The following STK32C variants were observed in gnomAD, a reference collection of about 807,000 sequenced individuals.
The protein encoded by STK32C is serine/threonine kinase 32C.
In STK32C, 31 loss-of-function variants were observed where a neutral mutation model predicts 56.5. The observed-to-expected ratio is 0.55, with a 90% CI of 0.41 to 0.74. The LOEUF (loss-of-function observed/expected upper bound fraction) is 0.74. Ranked by LOEUF, STK32C falls within the 30% of genes least tolerant of loss-of-function variation. STK32C has a pLI of 0.00. For missense variants in STK32C, 544 were observed against 676.9 expected (o/e 0.80, Z 2.18); for synonymous variants, 309 against 289.4 (o/e 1.07, Z -0.69).
intron 1 of STK32C, among the ~76,000 whole-genome samples, chr10:132,284,159 C>T (rs1394649740): frequency 2.6e-5 from 4 of 151,820 alleles, no homozygotes; most frequent in Non-Finnish European, 5.9e-5. Flanking sequence ...ACGCCGACCA[C>T]AAGCCCCGCA....
intron 1 of STK32C, among the ~76,000 whole-genome samples, chr10:132,248,653 G>A (rs1020730829): frequency 3.9e-5 from 6 of 152,352 alleles, no homozygotes; most frequent in East Asian, 1.9e-4. Flanking sequence ...CCACGCCCAC[G>A]TGCATGCCTA....
chr10:132,261,052 C>T (rs1468566908), intron 1 of STK32C, among the ~76,000 whole-genome samples: 4 of 152,162 alleles, frequency 2.6e-5, no homozygotes, highest in Non-Finnish European at 5.9e-5. Context: ...TCAGGGACTA[C>T]GAGCTTAGGC....
intron 2 of STK32C, among the ~76,000 whole-genome samples, chr10:132,241,927 C>T (rs966450012): frequency 6.6e-6 from 1 of 152,016 alleles, no homozygotes; most frequent in African/African-American, 2.4e-5. Context: ...GAGAACATAG[C>T]GAAACCCTGT....
chr10:132,293,713 G>A (rs543621016), intron 1 of STK32C, among the ~76,000 whole-genome samples: 10 of 152,272 alleles, frequency 6.6e-5, no homozygotes, highest in African/African-American at 1.9e-4. Context: ...AGCCAGGCAC[G>A]TGGTGAGCCT....
rs78705695 is a variant in STK32C at position 132,212,705 on chromosome 10, G to A, written c.1252-3604C>T. ...TTCAGGAAATAAAAGACATGACTCC[G>A]ACGAAGAAACACAGAGACGAGCAAG... is the stretch of plus-strand genomic sequence containing the variant. On this transcript the variant is annotated intron_variant, in intron 10 of 11. Transcript: ENST00000298630. Among the ~76,000 whole-genome samples the A allele has an allele frequency of 0.031, 4,649 of 152,296 alleles. 409 individuals are homozygous for A. The East Asian group carries it at 0.35, about 11-fold the overall frequency.
intron 1 of STK32C, among the ~76,000 whole-genome samples, chr10:132,271,917 T>G (rs1250686932): frequency 6.6e-6 from 1 of 152,226 alleles, no homozygotes; most frequent in East Asian, 1.9e-4. Flanking sequence ...ACACCACTGC[T>G]CAGTGCCCGG....
chr10:132,325,851 A>G (rs2138481432), intron 1 of STK32C, among the ~76,000 whole-genome samples: 1 of 151,396 alleles, frequency 6.6e-6, no homozygotes, highest in South Asian at 2.1e-4. Flanking sequence ...CCTCCAGAGT[A>G]GCTGGGACTA....
intron 2 of STK32C, among the ~76,000 whole-genome samples, chr10:132,244,997 C>T (rs566766610): frequency 5.3e-5 from 8 of 152,308 alleles, no homozygotes; most frequent in Admixed American, 3.3e-4. Flanking sequence ...CAATGCACTG[C>T]GCAAAGGGGC....
chr10:132,328,817 C>T (rs7922627), intron 1 of STK32C, among the ~76,000 whole-genome samples: 56,364 of 152,098 alleles, frequency 0.37, 10,635 homozygotes, highest in Middle Eastern at 0.4. Flanking sequence ...GAGATGGAGA[C>T]GAGGACAGCC....
At chr10:132,283,063 G>A (rs1274185992) in intron 1 of STK32C, among the ~76,000 whole-genome samples, 2 of 152,228 alleles carry the variant, frequency 1.3e-5, no homozygotes, top group African/African-American at 2.4e-5. Flanking sequence ...CAGCCAACCC[G>A]GGGGCAGCAG....
At chr10:132,278,654 A>G (rs961926854) in intron 1 of STK32C, among the ~76,000 whole-genome samples, 1 of 151,018 alleles carries the variant, frequency 6.6e-6, no homozygotes, top group Non-Finnish European at 1.5e-5. Context: ...CCAGCTGCTC[A>G]GGAGGCTGGG....
chr10:132,213,417 T>A (rs2062376321), intron 10 of STK32C, among the ~76,000 whole-genome samples: 1 of 152,174 alleles, frequency 6.6e-6, no homozygotes, highest in South Asian at 2.1e-4. Context: ...AGACTCTCTC[T>A]GAGGAGGAGG....
intron 10 of STK32C, among the ~76,000 whole-genome samples, chr10:132,220,359 G>A (rs2062598484): frequency 6.6e-6 from 1 of 152,232 alleles, no homozygotes; most frequent in South Asian, 2.1e-4. Flanking sequence ...AGGGGGCACG[G>A]CTTTGCTGAC....
intron 1 of STK32C, among the ~76,000 whole-genome samples, chr10:132,271,534 T>C (rs2064824217): frequency 6.6e-6 from 1 of 152,172 alleles, no homozygotes; most frequent in Non-Finnish European, 1.5e-5. Flanking sequence ...CCGTCCATTG[T>C]GGCCAAATCT....
At chr10:132,262,102 A>G (rs1005985809) in intron 1 of STK32C, among the ~76,000 whole-genome samples, 4 of 152,190 alleles carry the variant, frequency 2.6e-5, no homozygotes, top group African/African-American at 9.7e-5. Context: ...AGACACATAG[A>G]CCAATGGAGC....
chr10:132,312,091 C>T (rs188636869), upstream of STK32C, among the ~76,000 whole-genome samples: 3 of 152,274 alleles, frequency 2.0e-5, no homozygotes, highest in Non-Finnish European at 2.9e-5. Context: ...ACTGCAGCCT[C>T]GACCTCCCAG....
chr10:132,217,063 T>C (rs1174152793), intron 10 of STK32C, among the ~76,000 whole-genome samples: 2 of 152,198 alleles, frequency 1.3e-5, no homozygotes, highest in East Asian at 3.8e-4. Flanking sequence ...CAGAATGGTA[T>C]ATCCACCAAC....
At chr10:132,313,640 C>T (rs539589511) in intron 1 of STK32C, among the ~76,000 whole-genome samples, 1 of 152,358 alleles carries the variant, frequency 6.6e-6, no homozygotes, top group East Asian at 1.9e-4. Context: ...GATGGGCAGA[C>T]GTCAGCCAAA....
At chr10:132,217,564 T>TA (rs2062510651) in intron 10 of STK32C, among the ~76,000 whole-genome samples, 1 of 152,118 alleles carries the variant, frequency 6.6e-6, no homozygotes, top group African/African-American at 2.4e-5. Context: ...GGCAGAATGA[T>TA]ATGGTTTGGC....
Sources: gnomAD v4.1 joint callset for allele counts (sites outside exome capture counted in the v4.1 genomes callset) on GRCh38, gnomAD v4.1.1 for gene constraint, MANE v1.5 for transcripts, NCBI Gene and HGNC (gene_info 2026-07-23, HGNC 2026-07-21) for gene names.